Variants in SKAP1 observed in about 807,000 individuals in gnomAD.
The protein encoded by SKAP1 is src kinase associated phosphoprotein 1.
Under a neutral mutation model 58.5 loss-of-function variants are expected in SKAP1, and 44 were observed. The ratio of observed to expected loss-of-function variants is 0.75; its 90% confidence interval spans 0.59 to 0.97. SKAP1 has a LOEUF of 0.97. Among genes scored for constraint, SKAP1 ranks in the 50% least tolerant of loss-of-function variants. SKAP1 has a pLI of 0.00. For missense variants in SKAP1, 390 were observed against 435.2 expected, an observed-to-expected ratio of 0.90 and a Z score of 0.92; for synonymous variants, 127 against 149.7, an observed-to-expected ratio of 0.85 and a Z score of 1.11.
At chr17:48,234,999 G>A (rs1217400440) in intron 4 of SKAP1, among the ~76,000 whole-genome samples, 1 of 152,198 alleles carries the variant, frequency 6.6e-6, no homozygotes, top group African/African-American at 2.4e-5. Context: ...GGCAAGATTT[G>A]TAAAAGTATC....
At chr17:48,279,502 T>C (rs901865159) in intron 4 of SKAP1, among the ~76,000 whole-genome samples, 12 of 152,188 alleles carry the variant, frequency 7.9e-5, no homozygotes, top group Admixed American at 5.9e-4. Context: ...GTTAAAAATC[T>C]ACTGGAAATT....
At chr17:48,393,089 C>G (rs895076535) in intron 2 of SKAP1, among the ~76,000 whole-genome samples, 2 of 152,022 alleles carry the variant, frequency 1.3e-5, no homozygotes, top group Non-Finnish European at 2.9e-5. Context: ...CAGGAAGTGC[C>G]TTTGCCTGGC....
chr17:48,345,015 T>C (rs1244068513), intron 4 of SKAP1, among the ~76,000 whole-genome samples: 1 of 152,244 alleles, frequency 6.6e-6, no homozygotes, highest in Non-Finnish European at 1.5e-5. Context: ...GTTTCCAATT[T>C]GATGTTCAAT....
chr17:48,377,577 CAA>C (rs766249720), intron 2 of SKAP1, among the ~76,000 whole-genome samples: 13,645 of 115,962 alleles, frequency 0.12, 941 homozygotes, highest in African/African-American at 0.21. Flanking sequence ...GACCCTGTCT[CAA>C]AAAAAAAAAA....
chr17:48,298,921 G>C (rs2066020109), intron 4 of SKAP1, among the ~76,000 whole-genome samples: 1 of 152,146 alleles, frequency 6.6e-6, no homozygotes, highest in Non-Finnish European at 1.5e-5. Flanking sequence ...ATTGTGATCT[G>C]ATAAAAATGT....
chr17:48,199,458 A>C (rs544808059), intron 4 of SKAP1, among the ~76,000 whole-genome samples: 11 of 152,270 alleles, frequency 7.2e-5, no homozygotes, highest in African/African-American at 2.6e-4. Flanking sequence ...TCCTGTTTGG[A>C]ACTTCCTCTC....
intron 4 of SKAP1, among the ~76,000 whole-genome samples, chr17:48,265,436 C>T (rs1306346498): frequency 2.0e-5 from 3 of 151,154 alleles, no homozygotes; most frequent in Admixed American, 6.6e-5. Flanking sequence ...ACCTGGGAGG[C>T]GGAGGTTGCA....
chr17:48,429,784 A>AG (rs2067894426), intron 1 of SKAP1, among the ~76,000 whole-genome samples: 1 of 152,300 alleles, frequency 6.6e-6, no homozygotes, highest in Non-Finnish European at 1.5e-5. Context: ...AGACCAGGCA[A>AG]GGTGGCATGG....
intron 4 of SKAP1, among the ~76,000 whole-genome samples, chr17:48,195,092 G>C (rs1208371287): frequency 2.0e-5 from 3 of 152,162 alleles, no homozygotes; most frequent in African/African-American, 7.2e-5. Flanking sequence ...AGGTTGGGGA[G>C]GGGGTAGTTT....
intron 3 of SKAP1, among the ~76,000 whole-genome samples, chr17:48,361,491 G>A (rs2066938924): frequency 6.6e-6 from 1 of 152,184 alleles, no homozygotes; most frequent in Admixed American, 6.5e-5. Context: ...TTATAGGCAT[G>A]AGCCACCGCA....
intron 5 of SKAP1, among the ~76,000 whole-genome samples, chr17:48,188,706 G>GAAA (rs532374139): frequency 1.4e-5 from 2 of 143,426 alleles, no homozygotes; most frequent in East Asian, 4.3e-4. Context: ...AAGAAAGAAA[G>GAAA]AAAAAAAAAA....
chr17:48,177,786 AC>A (rs1032136867), intron 9 of SKAP1, among the ~76,000 whole-genome samples: 4 of 152,120 alleles, frequency 2.6e-5, no homozygotes, highest in Non-Finnish European at 5.9e-5. Flanking sequence ...AATATATCCC[AC>A]CTCCAACTCT....
intron 4 of SKAP1, among the ~76,000 whole-genome samples, chr17:48,270,563 G>C (rs2065616004): frequency 1.3e-5 from 2 of 151,950 alleles, no homozygotes; most frequent in South Asian, 2.1e-4. Context: ...GGCTGGTCTC[G>C]ATCTCCTGAC....
chr17:48,429,325 C>T (rs1314884488), intron 1 of SKAP1, among the ~76,000 whole-genome samples: 1 of 152,204 alleles, frequency 6.6e-6, no homozygotes, highest in African/African-American at 2.4e-5. Flanking sequence ...CTCTTTGTGA[C>T]ATCTCTTTGG....
chr17:48,151,078 C>T (rs545949659), intron 11 of SKAP1, among the ~76,000 whole-genome samples: 126 of 124,944 alleles, frequency 1.0e-3, no homozygotes, highest in Non-Finnish European at 1.3e-3. Flanking sequence ...CATTTAAAGA[C>T]GCAGCAGGAA....
intron 2 of SKAP1, among the ~76,000 whole-genome samples, chr17:48,384,134 A>C (rs1211863579): frequency 6.6e-6 from 1 of 152,202 alleles, no homozygotes; most frequent in Non-Finnish European, 1.5e-5. Context: ...AGAATTCTGC[A>C]GTGCTTGAGT....
At chr17:48,137,785 G>A (rs1048075131) in intron 11 of SKAP1, among the ~76,000 whole-genome samples, 1 of 152,212 alleles carries the variant, frequency 6.6e-6, no homozygotes, top group Non-Finnish European at 1.5e-5. Flanking sequence ...AAGATTGCTT[G>A]CTCCTTGGGA....
intron 3 of SKAP1, among the ~76,000 whole-genome samples, chr17:48,357,723 A>G (rs947709610): frequency 1.3e-5 from 2 of 152,244 alleles, no homozygotes; most frequent in African/African-American, 4.8e-5. Context: ...TTAAAAATGC[A>G]TTATTCCACT....
At chr17:48,341,228 T>C (rs2066647111) in intron 4 of SKAP1, among the ~76,000 whole-genome samples, 1 of 152,216 alleles carries the variant, frequency 6.6e-6, no homozygotes, top group Non-Finnish European at 1.5e-5. Flanking sequence ...CCAGATTCCA[T>C]GATACTAACT....
Sources: gnomAD v4.1 joint callset for allele counts (sites outside exome capture counted in the v4.1 genomes callset) on GRCh38, gnomAD v4.1.1 for gene constraint, MANE v1.5 for transcripts, NCBI Gene and HGNC (gene_info 2026-07-23, HGNC 2026-07-21) for gene names.